The following ARHGAP24 variants were observed in gnomAD, a reference collection of about 807,000 sequenced individuals.
ARHGAP24 encodes the protein Rho GTPase activating protein 24, also known as rho GTPase-activating protein 24.
ARHGAP24 carries 50 observed loss-of-function variants against 76.4 expected under a neutral mutation model. That is an observed-to-expected ratio of 0.65 (90% CI 0.52 to 0.83). ARHGAP24 has a LOEUF of 0.83. Ranked by LOEUF, ARHGAP24 falls within the 40% of genes least tolerant of loss-of-function variation. The pLI is 0.00. For synonymous variants in ARHGAP24, 345 were observed against 323.3 expected (o/e 1.07, Z -0.72); for missense variants, 930 against 914.2 (o/e 1.02, Z -0.22).
intron 2 of ARHGAP24, among the ~76,000 whole-genome samples, chr4:85,681,199 TTAAA>T (rs1382816846): frequency 6.6e-6 from 1 of 152,168 alleles, no homozygotes; most frequent in African/African-American, 2.4e-5. Flanking sequence ...GACAGTAGGA[TTAAA>T]TAAGAATTGT....
chr4:85,739,957 T>A (rs1725752059), intron 3 of ARHGAP24, among the ~76,000 whole-genome samples: 1 of 152,092 alleles, frequency 6.6e-6, no homozygotes, highest in Non-Finnish European at 1.5e-5. Context: ...CAGGATCCCA[T>A]CCCCTATCGC....
chr4:85,547,714 G>A (rs538766110), intron 1 of ARHGAP24, among the ~76,000 whole-genome samples: 1 of 152,260 alleles, frequency 6.6e-6, no homozygotes, highest in Non-Finnish European at 1.5e-5. Context: ...GGGTTTACAG[G>A]CTTGAGCCAC....
At chr4:85,889,438 C>T (rs2148777155) in intron 3 of ARHGAP24, among the ~76,000 whole-genome samples, 1 of 152,282 alleles carries the variant, frequency 6.6e-6, no homozygotes, top group South Asian at 2.1e-4. Flanking sequence ...GGAGAAGTCT[C>T]AATAAACATG....
rs183666710 is a variant in ARHGAP24 at position 85,541,080 on chromosome 4, T to A, written c.-20-29442T>A. On this transcript the variant is annotated intron_variant, in intron 1 of 9. Transcript: ENST00000395184. ...GTGATACTTTCACTGATCCTATTGC[T>A]GTGAATAACAGTCCTCCGTTTTTGA... 1.9e-4 allele frequency among the ~76,000 whole-genome samples: 29 copies of A among 151,180 alleles called. 1 individual carries two copies. The highest frequency in any genetic ancestry group is 1.8e-3 in the Admixed American group (28 of 15,170).
At position 85,503,166 on chromosome 4, in the gene ARHGAP24, G is replaced by A. The variant is rs556319284; in HGVS notation, c.-21+27607G>A. ...TGCATCGATGAACATCAGGGATATGGGTCTAAAATTCTCTTTTTTGTTGTG... is the reference window on the plus strand; with the variant it reads ...TGCATCGATGAACATCAGGGATATGAGTCTAAAATTCTCTTTTTTGTTGTG... On this transcript the variant is annotated intron_variant, in intron 1 of 9. Coordinates refer to ENST00000395184, the MANE Select transcript of ARHGAP24 (RefSeq NM_001025616.3). Among the ~76,000 whole-genome samples, 20 of 152,252 alleles carry A rather than the reference G, an allele frequency of 1.3e-4. No homozygotes were observed. The South Asian group carries it at 4.1e-3, about 32-fold the overall frequency.
chr4:85,978,559 G>A (rs1246114377), intron 8 of ARHGAP24, among the ~76,000 whole-genome samples: 1 of 152,132 alleles, frequency 6.6e-6, no homozygotes, highest in Non-Finnish European at 1.5e-5. Context: ...AGATAGTTCA[G>A]AAAACTTAAT....
At chr4:85,693,275 G>A (rs555986516) in intron 2 of ARHGAP24, among the ~76,000 whole-genome samples, 1 of 152,210 alleles carries the variant, frequency 6.6e-6, no homozygotes, top group African/African-American at 2.4e-5. Flanking sequence ...CCAATCACTG[G>A]CACTGCATCA....
intron 3 of ARHGAP24, among the ~76,000 whole-genome samples, chr4:85,808,540 G>A (rs1219711734): frequency 6.6e-6 from 1 of 152,114 alleles, no homozygotes; most frequent in Non-Finnish European, 1.5e-5. Flanking sequence ...AGGGAGGGGT[G>A]GTCTGCAAGG....
chr4:85,659,894 A>G (rs899216826), intron 2 of ARHGAP24, among the ~76,000 whole-genome samples: 4 of 152,196 alleles, frequency 2.6e-5, no homozygotes, highest in African/African-American at 9.7e-5. Context: ...GAATATCCTT[A>G]TGAAGCCATC....
At chr4:85,475,670 CGGGGAG>C (rs1722556911) in intron 1 of ARHGAP24, 111 bp downstream of exon 1, 2 of 11,138 alleles carry the variant, frequency 1.8e-4, no homozygotes, top group Admixed American at 1.1e-3. Context: ...CTGCGGGGGG[CGGGGAG>C]GGGGCTGCGG....
chr4:85,624,400 G>A (rs191797698), intron 2 of ARHGAP24, among the ~76,000 whole-genome samples: 1 of 152,270 alleles, frequency 6.6e-6, no homozygotes, highest in Middle Eastern at 3.4e-3. Context: ...ATTGATTTGT[G>A]TATGTTGAAC....
intron 3 of ARHGAP24, among the ~76,000 whole-genome samples, chr4:85,770,363 C>G (rs1727088553): frequency 1.3e-5 from 2 of 152,154 alleles, no homozygotes; most frequent in Non-Finnish European, 2.9e-5. Context: ...CATTTTATAT[C>G]CAATGCTTTC....
chr4:85,628,038 G>A (rs1303932326), intron 2 of ARHGAP24, among the ~76,000 whole-genome samples: 1 of 152,184 alleles, frequency 6.6e-6, no homozygotes, highest in Non-Finnish European at 1.5e-5. Flanking sequence ...GTGAGGTGAT[G>A]CCTCGCCCTG....
At chr4:85,672,409 A>G (rs958062290) in intron 2 of ARHGAP24, among the ~76,000 whole-genome samples, 1 of 152,184 alleles carries the variant, frequency 6.6e-6, no homozygotes, top group South Asian at 2.1e-4. Context: ...TTTCAGTTAA[A>G]GCATAGAATA....
intron 1 of ARHGAP24, among the ~76,000 whole-genome samples, chr4:85,487,161 T>C (rs1723089775): frequency 7.3e-6 from 1 of 137,882 alleles, no homozygotes; most frequent in South Asian, 2.1e-4. Context: ...TGTATATATA[T>C]ATAAATATAT....
At chr4:85,577,603 C>A (rs540969486) in intron 2 of ARHGAP24, among the ~76,000 whole-genome samples, 1 of 152,200 alleles carries the variant, frequency 6.6e-6, no homozygotes, top group South Asian at 2.1e-4. Flanking sequence ...GTCTGCTATA[C>A]GTGACTAAAG....
chr4:85,729,872 C>G (rs1578178459), intron 3 of ARHGAP24, among the ~76,000 whole-genome samples: 1 of 152,134 alleles, frequency 6.6e-6, no homozygotes, highest in East Asian at 1.9e-4. Context: ...CAGATTTGGC[C>G]CGTGGGCATA....
In ARHGAP24 at chr4:85,677,823, A is replaced by G. The variant is rs114518646; in HGVS notation, c.181-44062A>G. Among the ~76,000 whole-genome samples, 1,144 of 152,304 alleles carry G rather than the reference A, an allele frequency of 7.5e-3. 14 individuals are homozygous for G. Among genetic ancestry groups the G allele is most frequent in the African/African-American group, 0.026 (1,095 of 41,566 alleles). On this transcript the variant is annotated intron_variant, in intron 2 of 9. Transcript: ENST00000395184. ...ATTTTAATGTGCTAATTAATTTACT[A>G]GTTTATCAAGTTTTTAAAGAGCTGT... is the stretch of plus-strand genomic sequence containing the variant.
chr4:85,536,981 G>C (rs1021561982), intron 1 of ARHGAP24, among the ~76,000 whole-genome samples: 1 of 152,016 alleles, frequency 6.6e-6, no homozygotes, highest in Non-Finnish European at 1.5e-5. Context: ...GGGAGACCTT[G>C]GTATTCTAAG....
Sources: gnomAD v4.1 joint callset for allele counts (sites outside exome capture counted in the v4.1 genomes callset) on GRCh38, gnomAD v4.1.1 for gene constraint, MANE v1.5 for transcripts, NCBI Gene and HGNC (gene_info 2026-07-23, HGNC 2026-07-21) for gene names.